The following AMBRA1 variants were observed in gnomAD, a reference collection of about 807,000 sequenced individuals.
AMBRA1 encodes the protein autophagy and beclin 1 regulator 1.
A neutral mutation model predicts 125.4 loss-of-function variants in AMBRA1; 47 were observed. The observed-to-expected ratio is 0.37, with a 90% CI of 0.30 to 0.48. The LOEUF (loss-of-function observed/expected upper bound fraction) is 0.48, where lower values mean the gene tolerates loss of function less well. AMBRA1 is among the 20% of genes least tolerant of loss of function. AMBRA1 has a pLI of 0.99. For missense variants in AMBRA1, 1,331 were observed against 1,693.4 expected, an observed-to-expected ratio of 0.79 and a Z score of 3.76; for synonymous variants, 626 against 655.5, an observed-to-expected ratio of 0.95 and a Z score of 0.69.
At chr11:46,418,428 T>G (rs1235013507) in intron 14 of AMBRA1, among the ~76,000 whole-genome samples, 1 of 149,498 alleles carries the variant, frequency 6.7e-6, no homozygotes, top group African/African-American at 2.5e-5. Flanking sequence ...TACTTTAAGT[T>G]CTAGGGTACA....
intron 7 of AMBRA1, among the ~76,000 whole-genome samples, chr11:46,521,405 C>G (rs1160478205): frequency 6.6e-6 from 1 of 152,250 alleles, no homozygotes; most frequent in Non-Finnish European, 1.5e-5. Context: ...AAAAGAGACC[C>G]CCACAGGGGA....
At chr11:46,574,488 C>T (rs979304574) in intron 1 of AMBRA1, among the ~76,000 whole-genome samples, 2 of 151,436 alleles carry the variant, frequency 1.3e-5, no homozygotes, top group African/African-American at 4.9e-5. Flanking sequence ...CTGTTCATGT[C>T]CTTCGCCCAC....
intron 12 of AMBRA1, among the ~76,000 whole-genome samples, chr11:46,440,682 G>A (rs777732182): frequency 1.3e-5 from 2 of 152,158 alleles, no homozygotes; most frequent in Non-Finnish European, 2.9e-5. Flanking sequence ...AATGTGGATT[G>A]TGGTTAATTT....
At chr11:46,412,396 T>TA (rs1163838662) in intron 15 of AMBRA1, among the ~76,000 whole-genome samples, 2 of 152,172 alleles carry the variant, frequency 1.3e-5, no homozygotes, top group African/African-American at 4.8e-5. Flanking sequence ...GTGATTCTCC[T>TA]ACCTCAGCCT....
intron 12 of AMBRA1, among the ~76,000 whole-genome samples, chr11:46,437,999 A>G (rs936036574): frequency 1.3e-5 from 2 of 152,138 alleles, no homozygotes; most frequent in African/African-American, 4.8e-5. Flanking sequence ...GAGAATTTGC[A>G]TTTCTAACAA....
At chr11:46,420,924 T>C (rs1946817214) in intron 14 of AMBRA1, among the ~76,000 whole-genome samples, 1 of 152,216 alleles carries the variant, frequency 6.6e-6, no homozygotes, top group South Asian at 2.1e-4. Flanking sequence ...TAAGTTGCTG[T>C]GCTGCGTTTT....
chr11:46,543,459 G>C, intron 6 of AMBRA1, 61 bp from the exon 7 acceptor site: 1 of 1,568,726 alleles, frequency 6.4e-7, no homozygotes. Context: ...GAACCTCCAA[G>C]TAAATCAAGA....
intron 1 of AMBRA1, among the ~76,000 whole-genome samples, chr11:46,568,803 C>CTTTTTTTTTTTTTTTTTTTTTTTTTT (rs774631588): frequency 1.0e-5 from 1 of 96,478 alleles, no homozygotes; most frequent in African/African-American, 4.6e-5. Flanking sequence ...TCAACCCTAC[C>CTTTTTTTTTTTTTTTTTTTTTTTTTT]TTTTTTTTTT....
At chr11:46,430,941 T>C (rs1418911011) in intron 14 of AMBRA1, among the ~76,000 whole-genome samples, 4 of 152,232 alleles carry the variant, frequency 2.6e-5, no homozygotes, top group African/African-American at 9.6e-5. Flanking sequence ...TTGCTCCCTG[T>C]TCTCAGACAA....
At chr11:46,553,688 T>C (rs1591107316) in intron 1 of AMBRA1, among the ~76,000 whole-genome samples, 2 of 151,728 alleles carry the variant, frequency 1.3e-5, no homozygotes, top group East Asian at 3.9e-4. Context: ...GAACTTTCAG[T>C]GAGCTGAGAC....
intron 9 of AMBRA1, among the ~76,000 whole-genome samples, chr11:46,497,042 C>T (rs1287852765): frequency 6.6e-6 from 1 of 151,582 alleles, no homozygotes; most frequent in African/African-American, 2.4e-5. Context: ...AACCAGGAGG[C>T]GGAGGTTGCA....
intron 1 of AMBRA1, among the ~76,000 whole-genome samples, chr11:46,550,470 G>T (rs1169987248): frequency 1.3e-5 from 2 of 152,088 alleles, no homozygotes; most frequent in Admixed American, 1.3e-4. Context: ...AGCAATCTGT[G>T]GCAATTATTT....
intron 15 of AMBRA1, 63 bp from the exon 16 acceptor site, chr11:46,410,431 GCTC>G (rs1946231646): frequency 7.0e-7 from 1 of 1,435,438 alleles, no homozygotes; most frequent in Non-Finnish European, 9.8e-7. Context: ...AAGGATAAGA[GCTC>G]CTGAAACTCC....
chr11:46,428,718 C>T (rs1425033284), intron 14 of AMBRA1: 27 of 1,607,698 alleles, frequency 1.7e-5, no homozygotes, highest in South Asian at 2.2e-5. Context: ...GTTGCTGACC[C>T]AGCCCCAGCC....
chr11:46,406,372 T>TAA (rs529275776), intron 17 of AMBRA1, among the ~76,000 whole-genome samples: 1 of 81,528 alleles, frequency 1.2e-5, no homozygotes, highest in African/African-American at 4.7e-5. Flanking sequence ...ATCTTTAAAT[T>TAA]AAAAAAAAAA....
intron 14 of AMBRA1, among the ~76,000 whole-genome samples, chr11:46,421,178 G>A (rs902433179): frequency 2.8e-4 from 43 of 152,188 alleles, no homozygotes; most frequent in African/African-American, 9.9e-4. Context: ...CAGAGGGATT[G>A]GAGAGAAGTA....
intron 1 of AMBRA1, among the ~76,000 whole-genome samples, chr11:46,577,878 A>C (rs1218473941): frequency 1.3e-5 from 2 of 149,510 alleles, no homozygotes; most frequent in Non-Finnish European, 2.9e-5. Context: ...TGAACCCAGG[A>C]GGAGGAGGTT....
chr11:46,527,075 A>G (rs1952004081), intron 7 of AMBRA1, among the ~76,000 whole-genome samples: 1 of 151,980 alleles, frequency 6.6e-6, no homozygotes. Flanking sequence ...CTCCTATCTC[A>G]AGGCTCTCCA....
chr11:46,448,061 G>C (rs1203240244), intron 11 of AMBRA1, among the ~76,000 whole-genome samples: 2 of 152,166 alleles, frequency 1.3e-5, no homozygotes, highest in Non-Finnish European at 1.5e-5. Context: ...AGATGTCCTT[G>C]TGTAAGAGAC....
Sources: gnomAD v4.1 joint callset for allele counts (sites outside exome capture counted in the v4.1 genomes callset) on GRCh38, gnomAD v4.1.1 for gene constraint, MANE v1.5 for transcripts, NCBI Gene and HGNC (gene_info 2026-07-23, HGNC 2026-07-21) for gene names.